TRPV3: variants seen among roughly 807,000 people sequenced by gnomAD.
TRPV3 encodes transient receptor potential cation channel subfamily V member 3, also known as VRL-3.
TRPV3 carries 88 observed loss-of-function variants against 87.1 expected under a neutral mutation model. That is an observed-to-expected ratio of 1.01 (90% CI 0.85 to 1.21). The LOEUF (loss-of-function observed/expected upper bound fraction) is 1.21, where lower values mean the gene tolerates loss of function less well. Ranked by LOEUF, TRPV3 falls within the 50% of genes most tolerant of loss-of-function variation. The pLI is 0.00. For synonymous variants in TRPV3, 438 were observed against 423.3 expected (o/e 1.03, Z -0.43); for missense variants, 1,054 against 1,030.1 (o/e 1.02, Z -0.32).
intron 14 of TRPV3, among the ~76,000 whole-genome samples, chr17:3,520,703 A>G (rs2074237634): frequency 6.6e-6 from 1 of 152,194 alleles, no homozygotes; most frequent in Non-Finnish European, 1.5e-5. Context: ...CCTAATGTAA[A>G]TGACGAGTTA....
chr17:3,538,579 AT>A (rs2074429335), intron 6 of TRPV3, among the ~76,000 whole-genome samples: 1 of 143,322 alleles, frequency 7.0e-6, no homozygotes, highest in Admixed American at 7.2e-5. Context: ...TATTTTATTT[AT>A]TTAAAAAAAA....
intron 6 of TRPV3, among the ~76,000 whole-genome samples, chr17:3,538,846 A>G (rs999295333): frequency 6.6e-6 from 1 of 152,208 alleles, no homozygotes; most frequent in African/African-American, 2.4e-5. Context: ...TGGCCTCCCA[A>G]AGTGCTGGGA....
At chr17:3,527,579 T>C (rs73316909) in intron 11 of TRPV3, 3,539 of 233,958 alleles carry the variant, frequency 0.015, 118 homozygotes, top group African/African-American at 0.077. Context: ...TGTTGATTCA[T>C]TGGATGGATG....
chr17:3,527,058 T>A, intron 11 of TRPV3, 131 bp from the exon 12 acceptor site: 1 of 708,870 alleles, frequency 1.4e-6, no homozygotes, highest in East Asian at 2.7e-5. Context: ...AGAGTCCAGG[T>A]GGCGGATCTG....
rs1273555981 is a variant in TRPV3, at chr17:3,530,173, T to C, written c.1096A>G (p.Lys366Glu). Residue 366 changes from lysine (K) to glutamate (E), a missense_variant, in exon 9 of 18, where the codon AAG becomes GAG. Physicochemically the swap from Lys to Glu is moderately conservative, Grantham distance 56. Coordinates refer to ENST00000576742, the MANE Select transcript of TRPV3 (RefSeq NM_145068.4). The surrounding 1 kb of genome is among the most constrained non-coding windows in gnomAD (Gnocchi z 4.0). ...ILKYILSREI[K>E]EKRLRSLSRK... ...GACAGGCTCCGGAGCCGCTTCTCCT[T>C]GATCTCACGACTGAGGATGTACTTC... is the stretch of plus-strand genomic sequence containing the variant. The C allele has an allele frequency of 6.2e-7, 1 of 1,613,702 alleles. No homozygotes were observed. The highest frequency in any genetic ancestry group is 8.5e-7 in the Non-Finnish European group (1 of 1,179,792).
intron 15 of TRPV3, 93 bp from the exon 16 acceptor site, chr17:3,516,662 C>T (rs574856332): frequency 1.1e-6 from 1 of 878,104 alleles, no homozygotes; most frequent in South Asian, 1.4e-5. Flanking sequence ...TCCACCCTCA[C>T]CTCATGCTTA....
chr17:3,532,955 T>C lies in TRPV3; in HGVS notation c.785-18A>G, dbSNP rs1161778731. The stretch of plus-strand genomic sequence containing the variant: ...CGTCTCACCTGGGGGATGAGCGCAC[T>C]GAAGCTTGGTTCTCTCATGGGCCGG... On this transcript the variant is annotated intron_variant, in intron 7 of 17. Transcript: ENST00000576742. 31 of 1,611,302 alleles carry C rather than the reference T, an allele frequency of 1.9e-5. No individual in the cohort carries two copies. The highest frequency in any genetic ancestry group is 2.4e-5 in the Non-Finnish European group (28 of 1,178,776).
At chr17:3,531,974 G>A (rs1215851561) in intron 8 of TRPV3, among the ~76,000 whole-genome samples, 2 of 152,166 alleles carry the variant, frequency 1.3e-5, no homozygotes, top group Non-Finnish European at 2.9e-5. Flanking sequence ...CGTCCCAGGA[G>A]CCACAGCCTC....
At chr17:3,524,808 C>CAAAAA (rs56919647) in intron 12 of TRPV3, among the ~76,000 whole-genome samples, 45 of 81,238 alleles carry the variant, frequency 5.5e-4, no homozygotes, top group Non-Finnish European at 7.3e-4. Context: ...CTTGTCTCTA[C>CAAAAA]AAAAAAAAAA....
In TRPV3 at chr17:3,516,549, C is replaced by T. The variant is rs2074185055; in HGVS notation, c.2106G>A (p.Glu702=). The part of the protein sequence containing the change: ...WRLQRARTIL[E]FEKMLPEWLR... The stretch of plus-strand genomic sequence containing the variant: ...GCCATTCTGGTAACATTTTCTCAAA[C>T]TCCAAGATGGTCCTGGCTCTCTGGG... Residue 702 remains glutamate (E), a synonymous_variant, in exon 16 of 18, where the codon GAG becomes GAA. Coordinates refer to ENST00000576742, the MANE Select transcript of TRPV3 (RefSeq NM_145068.4). 1 of 1,614,024 alleles carries T rather than the reference C, an allele frequency of 6.2e-7. No homozygotes were observed. The highest frequency in any genetic ancestry group is 1.3e-5 in the African/African-American group (1 of 74,926).
chr17:3,523,892 CTACACACACACACA>C (rs1216163876), intron 13 of TRPV3, among the ~76,000 whole-genome samples: 8 of 139,878 alleles, frequency 5.7e-5, no homozygotes, highest in East Asian at 1.9e-4. Context: ...CATATTCCAC[CTACACACACACACA>C]TACACACACA....
rs2074110789 is a variant in TRPV3 at position 3,511,337 on chromosome 17, CTG to C, written c.*2578_*2579del. 2 of 152,160 alleles carry C rather than the reference CTG, an allele frequency of 1.3e-5. No individual in the cohort carries two copies. Among genetic ancestry groups the C allele is most frequent in the Non-Finnish European group, 2.9e-5 (2 of 68,042 alleles). 9.4% of individuals were successfully genotyped at this position (152,160 alleles called of 1,614,324 possible). Reference sequence around the variant, plus strand: ...ACAAAGACTCAAAATGATGGAATAACTGTGCTTTTTAAAAATAAATAAATAAT... The same window carrying C: ...ACAAAGACTCAAAATGATGGAATAACTGCTTTTTAAAAATAAATAAATAAT... On this transcript the variant is annotated 3_prime_UTR_variant, in exon 18 of 18. Transcript: ENST00000576742.
rs1427668084 is a variant in TRPV3, at chr17:3,530,190, A to C, written c.1079T>G (p.Ile360Ser). 1 of 1,612,218 alleles carries C rather than the reference A, an allele frequency of 6.2e-7. No homozygotes were observed. The highest frequency in any genetic ancestry group is 8.5e-7 in the Non-Finnish European group (1 of 1,178,946). Reference sequence around the variant, plus strand: ...CTTCTCCTTGATCTCACGACTGAGGATGTACTTCAGGATCTGGGACAGGAG... The same window carrying C: ...CTTCTCCTTGATCTCACGACTGAGGCTGTACTTCAGGATCTGGGACAGGAG... ...KMGKAEILKY[I>S]LSREIKEKRL... The change falls in exon 9 of 18, where the codon ATC becomes AGC. Residue 360 changes from isoleucine to serine, a missense_variant. Transcript: ENST00000576742. This position sits in a 1 kb window ranked among gnomAD's most constrained non-coding sequence, Gnocchi z 4.0.
chr17:3,526,942 G>T lies in TRPV3; in HGVS notation c.1504-15C>A. ...ATGGCAATGCCCTAAGGCCAGGAAG[G>T]AAAGAAACAGTGCACCCTCTTCATG... is the stretch of plus-strand genomic sequence containing the variant. On this transcript the variant is annotated splice_polypyrimidine_tract_variant and intron_variant, in intron 11 of 17. Transcript: ENST00000576742. 1 of 1,604,728 alleles carries T rather than the reference G, an allele frequency of 6.2e-7. No individual in the cohort carries two copies.
chr17:3,554,952 C>T, intron 1 of TRPV3, 100 bp from the exon 2 acceptor site: 3 of 663,540 alleles, frequency 4.5e-6, no homozygotes, highest in South Asian at 1.9e-5. Context: ...CCCGTTCACA[C>T]TACCTGGAAC....
In TRPV3 at chr17:3,512,881, C is replaced by T. The variant is rs1385817285; in HGVS notation, c.*1036G>A. ...TGTTAAATTCCCCCACTGAGACATA[C>T]TGAGGTATGCGACTAACTGCTGAGT... On this transcript the variant is annotated 3_prime_UTR_variant, in exon 18 of 18. Transcript: ENST00000576742. 2 of 152,202 alleles carry T rather than the reference C, an allele frequency of 1.3e-5. No homozygotes were observed. The highest frequency in any genetic ancestry group is 2.9e-5 in the Non-Finnish European group (2 of 68,050). 9.4% of individuals were successfully genotyped at this position (152,202 alleles called of 1,614,324 possible).
chr17:3,521,887 C>T lies in TRPV3; in HGVS notation c.1744-848G>A, dbSNP rs530629141. On this transcript the variant is annotated intron_variant, in intron 13 of 17. Transcript: ENST00000576742. ...GGTCAGGAGTTGGAGGCCAGCTTGG[C>T]CAACATGGCGAAACCCCGTCTCTAC... 2.6e-5 allele frequency among the ~76,000 whole-genome samples: 4 copies of T among 152,156 alleles called. No homozygotes were observed. In the East Asian group the frequency reaches 7.7e-4, roughly 29 times the overall value.
At chr17:3,540,492 G>A (rs2074448503) in intron 6 of TRPV3, among the ~76,000 whole-genome samples, 4 of 152,144 alleles carry the variant, frequency 2.6e-5, no homozygotes, top group Admixed American at 2.6e-4. Flanking sequence ...GAGAGGTAAG[G>A]ATCTGTGACC....
chr17:3,538,084 G>C (rs1002764884), intron 6 of TRPV3, among the ~76,000 whole-genome samples: 2 of 151,688 alleles, frequency 1.3e-5, no homozygotes, highest in African/African-American at 4.8e-5. Context: ...TGTAGTCCCA[G>C]CTACTCGGGA....
Sources: allele counts gnomAD v4.1 joint callset (sites outside exome capture counted in the v4.1 genomes callset), GRCh38; gene constraint gnomAD v4.1.1; non-coding constraint Gnocchi (gnomAD v3.1); transcripts MANE v1.5; gene names NCBI Gene and HGNC (gene_info 2026-07-23, HGNC 2026-07-21).